EHBP1: variants seen among roughly 807,000 people sequenced by gnomAD.
EHBP1 encodes EH domain-binding protein 1.
A neutral mutation model predicts 144.0 loss-of-function variants in EHBP1; 55 were observed. The ratio of observed to expected loss-of-function variants is 0.38; its 90% CI spans 0.31 to 0.48. The LOEUF (loss-of-function observed/expected upper bound fraction) is 0.48, where lower values mean the gene tolerates loss of function less well. EHBP1 is among the 20% of genes least tolerant of loss of function. The pLI is 0.98. For synonymous variants in EHBP1, 469 were observed against 472.7 expected (o/e 0.99, Z 0.10); for missense variants, 1,200 against 1,364.2 (o/e 0.88, Z 1.90).
chr2:62,759,055 A>G (rs532747767), intron 3 of EHBP1, among the ~76,000 whole-genome samples: 3 of 152,210 alleles, frequency 2.0e-5, no homozygotes, highest in South Asian at 4.1e-4. Context: ...TAAGAATATG[A>G]CATGAAATAA....
chr2:63,014,871 G>A (rs1034971372), intron 19 of EHBP1, among the ~76,000 whole-genome samples: 1 of 152,122 alleles, frequency 6.6e-6, no homozygotes, highest in Non-Finnish European at 1.5e-5. Context: ...CCAGCTACTC[G>A]GGAGGCTGAG....
At chr2:62,707,875 G>A (rs1341254301) in intron 2 of EHBP1, among the ~76,000 whole-genome samples, 1 of 152,044 alleles carries the variant, frequency 6.6e-6, no homozygotes, top group Non-Finnish European at 1.5e-5. Context: ...TTGCCTAATG[G>A]GATACATTTC....
chr2:62,777,607 TACTGCTATATAAAATAATG>T (rs2042136284), intron 5 of EHBP1, among the ~76,000 whole-genome samples: 2 of 152,248 alleles, frequency 1.3e-5, no homozygotes, highest in South Asian at 2.1e-4. Flanking sequence ...TTTGCTTTCT[TACTGCTATATAAAATAATG>T]ACTGCTATAT....
At chr2:63,013,948 CAA>C (rs2060378833) in intron 19 of EHBP1, among the ~76,000 whole-genome samples, 1 of 152,208 alleles carries the variant, frequency 6.6e-6, no homozygotes, top group Non-Finnish European at 1.5e-5. Flanking sequence ...ACTCTTCTAA[CAA>C]GAGATGCTGA....
chr2:62,840,468 C>G (rs2047724522), intron 7 of EHBP1, among the ~76,000 whole-genome samples: 2 of 147,598 alleles, frequency 1.4e-5, no homozygotes, highest in East Asian at 2.0e-4. Context: ...GCAATGGCAA[C>G]AAAAGACAAA....
intron 7 of EHBP1, among the ~76,000 whole-genome samples, chr2:62,831,876 T>G (rs544718491): frequency 1.3e-5 from 2 of 152,298 alleles, no homozygotes; most frequent in African/African-American, 4.8e-5. Context: ...TCAAATTCAT[T>G]TGGGCACTTT....
At chr2:62,721,149 TTTTTTG>T (rs908003690) in intron 2 of EHBP1, among the ~76,000 whole-genome samples, 14 of 152,312 alleles carry the variant, frequency 9.2e-5, no homozygotes, top group Admixed American at 2.0e-4. Context: ...TTTTTAGTCT[TTTTTTG>T]TTTTTGTTTT....
upstream of EHBP1, among the ~76,000 whole-genome samples, chr2:62,700,957 G>A (rs188572846): frequency 7.9e-5 from 12 of 152,208 alleles, no homozygotes; most frequent in Admixed American, 4.6e-4. Context: ...ATTTCTATTA[G>A]CTCTCAGATA....
intron 8 of EHBP1, among the ~76,000 whole-genome samples, chr2:62,859,799 A>AT (rs1490915619): frequency 2.6e-5 from 4 of 152,016 alleles, no homozygotes; most frequent in South Asian, 2.1e-4. Context: ...AAAACCAGGG[A>AT]TTTTTTTTCC....
At chr2:62,947,421 G>A (rs2057128993) in intron 12 of EHBP1, among the ~76,000 whole-genome samples, 2 of 151,950 alleles carry the variant, frequency 1.3e-5, no homozygotes, top group Non-Finnish European at 2.9e-5. Flanking sequence ...CCTTAATCTA[G>A]GTTGCTAAAA....
rs746664415 is a variant in EHBP1 at position 62,864,967 on chromosome 2, G to T, written c.994G>T (p.Asp332Tyr). 1.9e-6 allele frequency: 3 copies of T among 1,612,774 alleles called. No individual in the cohort carries two copies. The highest frequency in any genetic ancestry group is 2.5e-6 in the Non-Finnish European group (3 of 1,179,730). The change falls in exon 9 of 23, where the codon GAT becomes TAT. Residue 332 changes from aspartate (D) to tyrosine (Y), a missense_variant. Asp to Tyr is a radical substitution (Grantham distance 160, BLOSUM62 -3). Around this residue, in one of 6 missense-constraint regions of EHBP1, gnomAD observed 266 missense variants for 262.4 expected, o/e 1.01. Coordinates refer to ENST00000431489, the MANE Select transcript of EHBP1 (RefSeq NM_001142616.3). ...TTCTAAAACTGAAGAAGAAGAATTGGATGAGTAAGTACATTTCATTTTGCT... is the reference window on the plus strand; with the variant it reads ...TTCTAAAACTGAAGAAGAAGAATTGTATGAGTAAGTACATTTCATTTTGCT... ...DSSKTEEEEL[D>Y]ESNPFYEPKS...
At chr2:62,998,185 C>A (rs540839111) in intron 19 of EHBP1, among the ~76,000 whole-genome samples, 1 of 152,060 alleles carries the variant, frequency 6.6e-6, no homozygotes. Context: ...CATACGGGAC[C>A]CTTCTTGCTA....
chr2:62,890,142 G>A (rs2052338046), intron 10 of EHBP1, among the ~76,000 whole-genome samples: 2 of 151,838 alleles, frequency 1.3e-5, no homozygotes, highest in Non-Finnish European at 1.5e-5. Flanking sequence ...TGTATTTTTA[G>A]TAGAGACTGG....
chr2:62,800,227 A>G (rs928644646), intron 5 of EHBP1, among the ~76,000 whole-genome samples: 1 of 152,196 alleles, frequency 6.6e-6, no homozygotes, highest in African/African-American at 2.4e-5. Context: ...CCTCATGTAT[A>G]GGAGTGTCCT....
chr2:62,981,414 G>C (rs964846875), intron 15 of EHBP1, among the ~76,000 whole-genome samples: 6 of 152,142 alleles, frequency 3.9e-5, no homozygotes, highest in African/African-American at 1.4e-4. Flanking sequence ...GCATCATAAA[G>C]CCATGTAGGA....
At chr2:63,037,332 A>G (rs2061481958) in intron 19 of EHBP1, among the ~76,000 whole-genome samples, 2 of 152,034 alleles carry the variant, frequency 1.3e-5, no homozygotes, top group African/African-American at 4.8e-5. Context: ...GTTCACGGAG[A>G]GTAAAATATG....
intron 14 of EHBP1, among the ~76,000 whole-genome samples, chr2:62,960,478 G>A (rs1463971823): frequency 2.6e-5 from 4 of 151,994 alleles, no homozygotes; most frequent in Admixed American, 2.6e-4. Flanking sequence ...TATATCTTTT[G>A]CTGTTATTCT....
chr2:62,735,269 A>ATT (rs368796577), intron 2 of EHBP1, among the ~76,000 whole-genome samples: 13 of 142,184 alleles, frequency 9.1e-5, no homozygotes, highest in African/African-American at 2.8e-4. Context: ...TTATACTTCC[A>ATT]TTTTTTTTTT....
chr2:63,039,825 C>T (rs1185027664), intron 21 of EHBP1, among the ~76,000 whole-genome samples: 1 of 152,048 alleles, frequency 6.6e-6, no homozygotes, highest in Admixed American at 6.6e-5. Flanking sequence ...CTTTTATATT[C>T]ATAAACTCAT....
Sources: gnomAD v4.1 joint callset for allele counts (sites outside exome capture counted in the v4.1 genomes callset) on GRCh38, gnomAD v4.1.1 for gene constraint, gnomAD v4.1.1 regional missense constraint, MANE v1.5 for transcripts, NCBI Gene and HGNC (gene_info 2026-07-23, HGNC 2026-07-21) for gene names.